Variants in KCNIP4 observed in about 807,000 individuals in gnomAD.
KCNIP4 encodes Kv channel-interacting protein 4.
KCNIP4 carries 12 observed loss-of-function variants against 34.0 expected under a neutral mutation model. The ratio of observed to expected loss-of-function variants is 0.35; its 90% confidence interval spans 0.23 to 0.57. KCNIP4 has a LOEUF of 0.57. KCNIP4 is among the 20% of genes least tolerant of loss of function. The pLI, the probability that KCNIP4 is intolerant of heterozygous loss-of-function variation, is 0.83. For missense variants in KCNIP4, 238 were observed against 311.7 expected (o/e 0.76, Z 1.78); for synonymous variants, 124 against 102.2 (o/e 1.21, Z -1.29).
intron 1 of KCNIP4, among the ~76,000 whole-genome samples, chr4:21,389,774 G>A (rs1420478127): frequency 6.6e-6 from 1 of 152,156 alleles, no homozygotes; most frequent in African/African-American, 2.4e-5. Context: ...GTGTGCATGT[G>A]TCTTTATAGC....
intron 1 of KCNIP4, among the ~76,000 whole-genome samples, chr4:21,663,926 G>GT (rs1367281281): frequency 6.6e-6 from 1 of 152,054 alleles, no homozygotes; most frequent in African/African-American, 2.4e-5. Context: ...TCAAACTTAG[G>GT]TTTTTTTGTT....
intron 1 of KCNIP4, among the ~76,000 whole-genome samples, chr4:21,134,915 C>A (rs2109186584): frequency 6.6e-6 from 1 of 152,372 alleles, no homozygotes; most frequent in South Asian, 2.1e-4. Context: ...TGGAGTGGTA[C>A]TTCTTGACCT....
In KCNIP4 at chr4:20,818,551, C is replaced by T. The variant is rs116336134; in HGVS notation, c.288+31992G>A. On this transcript the variant is annotated intron_variant, in intron 3 of 8. Transcript: ENST00000382152. ...GAAGCTGCAAACCTCCCGACAGAAG[C>T]GCTGTCTAATGAGAGCCTCATTCCT... Among the ~76,000 whole-genome samples the T allele has an allele frequency of 1.6e-3, 247 of 152,220 alleles. 1 individual carries two copies. The highest frequency in any genetic ancestry group is 5.2e-3 in the East Asian group (27 of 5,164).
At chr4:21,466,854 G>A (rs1186705464) in intron 1 of KCNIP4, among the ~76,000 whole-genome samples, 2 of 152,044 alleles carry the variant, frequency 1.3e-5, no homozygotes, top group East Asian at 3.9e-4. Flanking sequence ...CATAGGTCAA[G>A]TCCATAGAGG....
intron 1 of KCNIP4, among the ~76,000 whole-genome samples, chr4:21,206,616 T>C (rs1025238402): frequency 3.3e-5 from 5 of 152,318 alleles, no homozygotes; most frequent in Non-Finnish European, 7.3e-5. Context: ...ACAGATGCAT[T>C]ATGTGAGCTT....
At chr4:21,937,601 T>A (rs1046464620) in intron 1 of KCNIP4, among the ~76,000 whole-genome samples, 2 of 152,116 alleles carry the variant, frequency 1.3e-5, no homozygotes, top group Non-Finnish European at 2.9e-5. Flanking sequence ...TCTTCTCCAC[T>A]TTGATATCCA....
intron 1 of KCNIP4, among the ~76,000 whole-genome samples, chr4:21,096,399 T>C (rs1018638345): frequency 2.0e-5 from 3 of 152,196 alleles, no homozygotes; most frequent in Non-Finnish European, 4.4e-5. Context: ...ATTGTGTTAA[T>C]AGTCAAATTT....
intron 1 of KCNIP4, among the ~76,000 whole-genome samples, chr4:21,228,787 C>A (rs1250906521): frequency 6.6e-6 from 1 of 152,116 alleles, no homozygotes; most frequent in Non-Finnish European, 1.5e-5. Context: ...TTGTTAATAT[C>A]ATTTTCTCCT....
At chr4:21,389,747 T>C (rs1217269518) in intron 1 of KCNIP4, among the ~76,000 whole-genome samples, 1 of 152,102 alleles carries the variant, frequency 6.6e-6, no homozygotes, top group Non-Finnish European at 1.5e-5. Flanking sequence ...TTGCGAATAG[T>C]GCCACAATAA....
chr4:21,698,218 T>A (rs750992043), intron 1 of KCNIP4, among the ~76,000 whole-genome samples: 1 of 152,192 alleles, frequency 6.6e-6, no homozygotes, highest in Non-Finnish European at 1.5e-5. Context: ...TTCTTAAAAC[T>A]GGCTACATTT....
intron 1 of KCNIP4, among the ~76,000 whole-genome samples, chr4:21,189,566 G>A (rs1476090020): frequency 3.9e-5 from 6 of 152,182 alleles, no homozygotes. Context: ...AGCTCACTAA[G>A]TATAGTGATT....
intron 1 of KCNIP4, among the ~76,000 whole-genome samples, chr4:21,900,694 T>G (rs181798523): frequency 6.6e-6 from 1 of 152,248 alleles, no homozygotes; most frequent in Non-Finnish European, 1.5e-5. Context: ...TCTGATTGTA[T>G]GTCTAGTCCC....
chr4:21,156,844 C>T (rs1453895341), intron 1 of KCNIP4, among the ~76,000 whole-genome samples: 1 of 151,944 alleles, frequency 6.6e-6, no homozygotes, highest in Non-Finnish European at 1.5e-5. Context: ...GTTCACAAAG[C>T]CCCATAGCCA....
At chr4:21,800,569 G>A (rs11728958) in intron 1 of KCNIP4, among the ~76,000 whole-genome samples, 11,941 of 152,110 alleles carry the variant, frequency 0.079, 540 homozygotes, top group Middle Eastern at 0.14. Flanking sequence ...AAAGAAGCAA[G>A]TGAATTATTT....
intron 1 of KCNIP4, among the ~76,000 whole-genome samples, chr4:21,235,481 T>C (rs1759290524): frequency 6.6e-6 from 1 of 152,302 alleles, no homozygotes; most frequent in Middle Eastern, 3.4e-3. Context: ...GTGTCTACAA[T>C]GTTCTCCCCA....
intron 1 of KCNIP4, among the ~76,000 whole-genome samples, chr4:21,245,965 G>A (rs1030255670): frequency 6.6e-6 from 1 of 152,094 alleles, no homozygotes; most frequent in African/African-American, 2.4e-5. Flanking sequence ...TCTTAATGAA[G>A]AGGAAATATT....
rs540657342 is a variant in KCNIP4 at position 21,084,296 on chromosome 4, C to T, written c.62-201587G>A. 6.7e-5 allele frequency among the ~76,000 whole-genome samples: 10 copies of T among 149,814 alleles called. No individual in the cohort carries two copies. In the South Asian group the frequency reaches 1.2e-3, roughly 19 times the overall value. On this transcript the variant is annotated intron_variant, in intron 1 of 8. Transcript: ENST00000382152. Reference sequence around the variant, plus strand: ...TGATGGACGTGGACTGCTCTCAGGGCGCAGTGACAATTATGACTTAGTCAT... The same window carrying T: ...TGATGGACGTGGACTGCTCTCAGGGTGCAGTGACAATTATGACTTAGTCAT...
chr4:21,177,220 T>A (rs1273590101), intron 1 of KCNIP4, among the ~76,000 whole-genome samples: 3 of 152,130 alleles, frequency 2.0e-5, no homozygotes, highest in Non-Finnish European at 4.4e-5. Context: ...GAGAATACAA[T>A]CTAGTAAAAG....
intron 1 of KCNIP4, among the ~76,000 whole-genome samples, chr4:21,467,018 A>G (rs966927113): frequency 6.6e-6 from 1 of 151,780 alleles, no homozygotes; most frequent in Non-Finnish European, 1.5e-5. Context: ...TCATGGCCAG[A>G]ATCTCAATGA....
Sources: allele counts gnomAD v4.1 joint callset (sites outside exome capture counted in the v4.1 genomes callset), GRCh38; gene constraint gnomAD v4.1.1; transcripts MANE v1.5; gene names NCBI Gene and HGNC (gene_info 2026-07-23, HGNC 2026-07-21).